Variants in STARD3 observed in about 807,000 individuals in gnomAD.
STARD3 encodes stAR-related lipid transfer protein 3.
In STARD3, 39 loss-of-function variants were observed where a neutral mutation model predicts 62.0. That is an observed-to-expected ratio of 0.63 (90% CI 0.49 to 0.82). STARD3 has a LOEUF of 0.82. Among genes scored for constraint, STARD3 ranks in the 40% least tolerant of loss-of-function variants. The pLI is 0.00. For synonymous variants in STARD3, 229 were observed against 242.4 expected, an observed-to-expected ratio of 0.94 and a Z score of 0.51; for missense variants, 543 against 584.5, an observed-to-expected ratio of 0.93 and a Z score of 0.73.
At chr17:39,637,416 A>G (rs1413430335) in intron 1 of STARD3, 185 bp downstream of exon 1, 1 of 152,238 alleles carries the variant, frequency 6.6e-6, no homozygotes, top group East Asian at 1.9e-4. Flanking sequence ...TGGGGTCTCC[A>G]GCAATGACTC....
At chr17:39,662,226 C>T (rs2057207560) in intron 13 of STARD3, 25 bp from the exon 14 acceptor site, 2 of 1,606,036 alleles carry the variant, frequency 1.2e-6, no homozygotes, top group Non-Finnish European at 1.7e-6. Flanking sequence ...TTCCAAAGTC[C>T]CCCCAATGAT....
rs375066682 is a variant in STARD3 at position 39,645,344 on chromosome 17, C to T, written c.-52+8113C>T. On this transcript the variant is annotated intron_variant, in intron 1 of 14. Transcript: ENST00000336308. ...GAGGGTTAGGGAGCTTGCTCTGAGC[C>T]ACACAGCAGGTGAATTGTAGAGTTC... Among the ~76,000 whole-genome samples, 48 of 152,360 alleles carry T rather than the reference C, an allele frequency of 3.2e-4. No individual in the cohort carries two copies. In the South Asian group the frequency reaches 9.9e-3, roughly 32 times the overall value.
intron 2 of STARD3, 82 bp from the exon 3 acceptor site, chr17:39,656,919 TCCCCTAC>T: frequency 7.5e-7 from 1 of 1,327,916 alleles, no homozygotes; most frequent in Non-Finnish European, 1.1e-6. Context: ...GGTTCCTCCA[TCCCCTAC>T]CTCTTGCCCC....
chr17:39,642,457 C>T (rs67615144), intron 1 of STARD3, among the ~76,000 whole-genome samples: 6,223 of 152,188 alleles, frequency 0.041, 303 homozygotes, highest in African/African-American at 0.12. Flanking sequence ...GCTGCTCTCC[C>T]GGCTGGGCGT....
At chr17:39,646,758 A>G (rs1441003005) in intron 1 of STARD3, among the ~76,000 whole-genome samples, 7 of 152,134 alleles carry the variant, frequency 4.6e-5, no homozygotes, top group African/African-American at 1.7e-4. Flanking sequence ...GGCTGGTACT[A>G]TTGTATCCTA....
intron 8 of STARD3, 69 bp downstream of exon 8, chr17:39,659,175 C>T: frequency 6.9e-6 from 11 of 1,596,006 alleles, no homozygotes; most frequent in Non-Finnish European, 8.6e-6. Flanking sequence ...GTGCAGGGGT[C>T]AGCCGGGGTG....
At chr17:39,656,747 C>G (rs2057134137) in intron 2 of STARD3, among the ~76,000 whole-genome samples, 1 of 152,152 alleles carries the variant, frequency 6.6e-6, no homozygotes, top group African/African-American at 2.4e-5. Context: ...CCAAGCCTGC[C>G]CCTTCCTGGG....
intron 2 of STARD3, among the ~76,000 whole-genome samples, chr17:39,654,050 G>T (rs1359805910): frequency 6.6e-6 from 1 of 152,234 alleles, no homozygotes; most frequent in African/African-American, 2.4e-5. Context: ...CCCTAGTGGA[G>T]GCTCCCGAGA....
At chr17:39,662,428 G>GC (rs1234648827) in intron 14 of STARD3, 84 bp downstream of exon 14, 1 of 1,353,126 alleles carries the variant, frequency 7.4e-7, no homozygotes, top group African/African-American at 1.4e-5. Context: ...GACTTTGGGG[G>GC]CTCTCTGCCA....
Position 39,660,273 on chromosome 17 carries a change from G to C in STARD3, c.858G>C (p.Lys286Asn). The part of the protein sequence containing the change: ...VPFHGKTFIL[K>N]TFLPCPAELV... ...TTCACGGCAAGACGTTTATCCTGAAGGTGAGTGAGGGGAGCGGGTGTCCTG... is the reference window on the plus strand; with the variant it reads ...TTCACGGCAAGACGTTTATCCTGAACGTGAGTGAGGGGAGCGGGTGTCCTG... The change falls in exon 10 of 15, where the codon AAG becomes AAC. Residue 286 changes from lysine to asparagine, a missense_variant and splice_region_variant. By Grantham distance (94) the Lys-to-Asn change is moderately conservative. Transcript: ENST00000336308. This position sits in a 1 kb window ranked among gnomAD's most constrained non-coding sequence, Gnocchi z 4.8. The C allele has an allele frequency of 1.2e-6, 2 of 1,614,086 alleles. No homozygotes were observed. Among genetic ancestry groups the C allele is most frequent in the East Asian group, 4.5e-5 (2 of 44,882 alleles).
chr17:39,640,115 G>A (rs1416667236), intron 1 of STARD3, among the ~76,000 whole-genome samples: 2 of 152,234 alleles, frequency 1.3e-5, no homozygotes, highest in African/African-American at 4.8e-5. Flanking sequence ...CTTGGAACCC[G>A]CATGTTGCAT....
Position 39,660,657 on chromosome 17 carries a change from G to A in STARD3, c.954+131G>A, listed in dbSNP as rs2145040916. On this transcript the variant is annotated intron_variant, in intron 11 of 14. Transcript: ENST00000336308. This position sits in a 1 kb window ranked among gnomAD's most constrained non-coding sequence, Gnocchi z 4.8. ...GTGTGATGGTAACAGTGCCTGCTCG[G>A]GAGGGTCGGGAGGAGGGCAGGAGGA... The A allele has an allele frequency of 7.4e-7, 1 of 1,344,736 alleles. No homozygotes were observed. Among genetic ancestry groups the A allele is most frequent in the South Asian group, 1.3e-5 (1 of 78,698 alleles). 83.3% of individuals were successfully genotyped at this position (1,344,736 alleles called of 1,614,324 possible). A position where few individuals can be genotyped will look rare whatever the true frequency, so the allele number is the denominator to read the frequency against.
rs1031182686 is a variant in STARD3, at chr17:39,659,753, G to A, written c.795+200G>A. On this transcript the variant is annotated intron_variant, in intron 9 of 14. Transcript: ENST00000336308. Reference sequence around the variant, plus strand: ...CCGTGCCCCTTGGCCCCCCTTCCCCGCACCCCCCATGTTTACTTCCCTGCT... The same window carrying A: ...CCGTGCCCCTTGGCCCCCCTTCCCCACACCCCCCATGTTTACTTCCCTGCT... The A allele has an allele frequency of 2.7e-4, 81 of 303,420 alleles. No homozygotes were observed. In the Admixed American group the frequency reaches 3.8e-3, roughly 14 times the overall value. The allele number at this position is 303,420 out of a possible 1,614,324, so 18.8% of individuals were successfully genotyped here.
At chr17:39,652,010 G>T (rs1032732034) in intron 1 of STARD3, among the ~76,000 whole-genome samples, 1 of 152,190 alleles carries the variant, frequency 6.6e-6, no homozygotes, top group Non-Finnish European at 1.5e-5. Context: ...TGTCTTTAGG[G>T]TTCCTGAGAG....
intron 4 of STARD3, 29 bp downstream of exon 4, chr17:39,657,881 G>A (rs985277200): frequency 2.3e-5 from 37 of 1,613,986 alleles, no homozygotes; most frequent in Admixed American, 1.8e-4. Flanking sequence ...GGCAGCTTCT[G>A]GGCCCTGGCA....
chr17:39,649,972 G>A (rs960715307), intron 1 of STARD3, among the ~76,000 whole-genome samples: 1 of 149,624 alleles, frequency 6.7e-6, no homozygotes, highest in African/African-American at 2.5e-5. Flanking sequence ...CTGCTCACAC[G>A]TGTAATCCCA....
intron 9 of STARD3, chr17:39,659,931 A>G (rs2145035419): frequency 3.6e-6 from 2 of 553,470 alleles, no homozygotes; most frequent in East Asian, 3.1e-5. Context: ...CTCTCTGGCC[A>G]GTTCTTGTGG....
chr17:39,660,417 C>T lies in STARD3; in HGVS notation c.859-14C>T. Reference sequence around the variant, plus strand: ...CCATCTGGCACCACCCAGCCCTCTGCCGCCCTGTCCCAGACCTTCCTGCCC... The same window carrying T: ...CCATCTGGCACCACCCAGCCCTCTGTCGCCCTGTCCCAGACCTTCCTGCCC... On this transcript the variant is annotated splice_polypyrimidine_tract_variant and intron_variant, in intron 10 of 14. Coordinates refer to ENST00000336308, the MANE Select transcript of STARD3 (RefSeq NM_006804.4). The surrounding 1 kb of genome is among the most constrained non-coding windows in gnomAD (Gnocchi z 4.8). 11 of 1,613,442 alleles carry T rather than the reference C, an allele frequency of 6.8e-6. No homozygotes were observed. The highest frequency in any genetic ancestry group is 8.5e-6 in the Non-Finnish European group (10 of 1,179,934).
intron 1 of STARD3, among the ~76,000 whole-genome samples, chr17:39,647,999 A>G (rs1042716655): frequency 4.0e-5 from 6 of 151,874 alleles, no homozygotes; most frequent in Non-Finnish European, 7.4e-5. Flanking sequence ...AAATTAGCTG[A>G]GCATGGCCGG....
Sources: allele counts gnomAD v4.1 joint callset (sites outside exome capture counted in the v4.1 genomes callset), GRCh38; gene constraint gnomAD v4.1.1; non-coding constraint Gnocchi (gnomAD v3.1); transcripts MANE v1.5; gene names NCBI Gene and HGNC (gene_info 2026-07-23, HGNC 2026-07-21).